The following CDH2 variants were observed in gnomAD, a reference collection of about 807,000 sequenced individuals.
CDH2 encodes cadherin-2.
Under a neutral mutation model 92.0 loss-of-function variants are expected in CDH2, and 17 were observed. The ratio of observed to expected loss-of-function variants is 0.18; its 90% CI spans 0.13 to 0.28. CDH2 has a LOEUF of 0.28. Among genes scored for constraint, CDH2 ranks in the 10% least tolerant of loss-of-function variants. CDH2 has a pLI of 1.00. For synonymous variants in CDH2, 419 were observed against 415.9 expected (o/e 1.01, Z -0.09); for missense variants, 862 against 1,133.1 (o/e 0.76, Z 3.44).
chr18:27,979,953 T>G (rs1015150299), intron 14 of CDH2, among the ~76,000 whole-genome samples: 1 of 152,212 alleles, frequency 6.6e-6, no homozygotes, highest in African/African-American at 2.4e-5. Context: ...ATTCAAACTC[T>G]AATGCCAAGA....
chr18:27,999,588 G>C (rs1287910732), intron 7 of CDH2, among the ~76,000 whole-genome samples: 1 of 152,042 alleles, frequency 6.6e-6, no homozygotes, highest in Admixed American at 6.6e-5. Context: ...CATGATGGCA[G>C]TGGGGAAAAC....
intron 2 of CDH2, among the ~76,000 whole-genome samples, chr18:28,068,764 A>G (rs2014560729): frequency 6.6e-6 from 1 of 152,210 alleles, no homozygotes; most frequent in African/African-American, 2.4e-5. Flanking sequence ...TGAAGAAGAT[A>G]TACAGAGTCA....
chr18:28,016,592 G>C (rs1441370596), intron 2 of CDH2, among the ~76,000 whole-genome samples: 1 of 152,160 alleles, frequency 6.6e-6, no homozygotes, highest in Non-Finnish European at 1.5e-5. Flanking sequence ...AATGACTCCT[G>C]AGGTGGGAAT....
At chr18:27,971,800 C>T (rs2011667691) in intron 14 of CDH2, among the ~76,000 whole-genome samples, 1 of 152,136 alleles carries the variant, frequency 6.6e-6, no homozygotes, top group Non-Finnish European at 1.5e-5. Flanking sequence ...CTTTAGCCAA[C>T]AATAAAAGTG....
At chr18:28,099,658 C>A (rs529834151) in intron 2 of CDH2, among the ~76,000 whole-genome samples, 60 of 152,010 alleles carry the variant, frequency 3.9e-4, no homozygotes, top group African/African-American at 1.4e-3. Flanking sequence ...GTAACCACTA[C>A]ATATAAAGAT....
At chr18:28,025,992 T>A (rs1325584805) in intron 2 of CDH2, among the ~76,000 whole-genome samples, 3 of 152,166 alleles carry the variant, frequency 2.0e-5, no homozygotes, top group Non-Finnish European at 4.4e-5. Context: ...ATCTTAATCA[T>A]TCATGGGGGG....
intron 2 of CDH2, among the ~76,000 whole-genome samples, chr18:28,092,905 C>T (rs1051388118): frequency 6.6e-6 from 1 of 152,176 alleles, no homozygotes; most frequent in Non-Finnish European, 1.5e-5. Flanking sequence ...CCACCCCCTA[C>T]ATTTACATTT....
chr18:28,033,599 T>C (rs1039631358), intron 2 of CDH2, among the ~76,000 whole-genome samples: 11 of 152,126 alleles, frequency 7.2e-5, no homozygotes, highest in Non-Finnish European at 1.3e-4. Context: ...TTTCCCCATT[T>C]TCTGATCCCA....
At chr18:28,048,615 A>G (rs923810868) in intron 2 of CDH2, among the ~76,000 whole-genome samples, 2 of 152,190 alleles carry the variant, frequency 1.3e-5, no homozygotes, top group African/African-American at 4.8e-5. Flanking sequence ...GCTATTCAAA[A>G]TGCTATTCCC....
intron 2 of CDH2, among the ~76,000 whole-genome samples, chr18:28,119,328 G>A (rs1428348904): frequency 6.6e-6 from 1 of 151,972 alleles, no homozygotes; most frequent in Non-Finnish European, 1.5e-5. Context: ...CACCATATGG[G>A]GAGCTTAATA....
chr18:28,064,838 T>A, intron 2 of CDH2, among the ~76,000 whole-genome samples: 1 of 152,084 alleles, frequency 6.6e-6, no homozygotes, highest in East Asian at 1.9e-4. Context: ...AATTGCAACC[T>A]TGCTTCTACT....
rs544291609 is a variant in CDH2 at position 27,974,842 on chromosome 18, G to C, written c.2349+8102C>G. Among the ~76,000 whole-genome samples the C allele has an allele frequency of 2.0e-5, 3 of 152,256 alleles. No homozygotes were observed. In the East Asian group the frequency reaches 5.8e-4, roughly 29 times the overall value. On this transcript the variant is annotated intron_variant, in intron 14 of 15. Coordinates refer to ENST00000269141, the MANE Select transcript of CDH2 (RefSeq NM_001792.5). ...AGCTCTCACCAGACACTGATCTGCT[G>C]GTGCCTTGATCTTGGACTTCCCAGG...
chr18:28,020,557 T>C (rs1335866403), intron 2 of CDH2, among the ~76,000 whole-genome samples: 1 of 152,008 alleles, frequency 6.6e-6, no homozygotes, highest in Non-Finnish European at 1.5e-5. Context: ...TCCTTATGAA[T>C]GGCAGGTACA....
At chr18:27,963,792 T>C (rs1270016570) in intron 14 of CDH2, 1 of 392,324 alleles carries the variant, frequency 2.5e-6, no homozygotes, top group African/African-American at 2.0e-5. Context: ...TGATGAGGTC[T>C]CACTATAAAA....
chr18:28,020,779 C>A (rs2013388167), intron 2 of CDH2, among the ~76,000 whole-genome samples: 1 of 151,832 alleles, frequency 6.6e-6, no homozygotes, highest in Admixed American at 6.6e-5. Context: ...CTGTGTAACA[C>A]AAAGAATGAA....
At chr18:28,172,213 G>T (rs2016476029) in intron 1 of CDH2, among the ~76,000 whole-genome samples, 1 of 151,822 alleles carries the variant, frequency 6.6e-6, no homozygotes, top group African/African-American at 2.4e-5. Context: ...AATCTAAGCA[G>T]AATTTAATCT....
At chr18:28,048,408 T>C (rs916070453) in intron 2 of CDH2, among the ~76,000 whole-genome samples, 2 of 152,170 alleles carry the variant, frequency 1.3e-5, no homozygotes, top group African/African-American at 4.8e-5. Flanking sequence ...TAGGCAGAGA[T>C]CTTACTATAT....
chr18:27,968,126 A>T (rs1269660665), intron 14 of CDH2, among the ~76,000 whole-genome samples: 1 of 152,200 alleles, frequency 6.6e-6, no homozygotes, highest in African/African-American at 2.4e-5. Context: ...TCTGGTGCTC[A>T]TCATCTGTCA....
chr18:28,138,932 GA>G (rs2015908023), intron 2 of CDH2, among the ~76,000 whole-genome samples: 1 of 152,060 alleles, frequency 6.6e-6, no homozygotes, highest in African/African-American at 2.4e-5. Flanking sequence ...TCATTTGGGG[GA>G]AGGGAGTGAC....
Sources: allele counts gnomAD v4.1 joint callset (sites outside exome capture counted in the v4.1 genomes callset), GRCh38; gene constraint gnomAD v4.1.1; transcripts MANE v1.5; gene names NCBI Gene and HGNC (gene_info 2026-07-23, HGNC 2026-07-21).